Variants in MICU3 observed in about 807,000 individuals in gnomAD.
MICU3 encodes calcium uptake protein 3, mitochondrial.
In MICU3, 62 loss-of-function variants were observed where a neutral mutation model predicts 66.5. That is an observed-to-expected ratio of 0.93 (90% CI 0.76 to 1.15). MICU3 has a LOEUF of 1.15. Ranked by LOEUF, MICU3 falls within the 50% of genes most tolerant of loss-of-function variation. The probability of loss-of-function intolerance (pLI) is 0.00; values close to 1 mark genes in which losing one functional copy is unlikely to be tolerated. For synonymous variants in MICU3, 308 were observed against 240.7 expected, an observed-to-expected ratio of 1.28 and a Z score of -2.59; for missense variants, 779 against 664.4, an observed-to-expected ratio of 1.17 and a Z score of -1.90.
chr8:17,102,352 CAA>C (rs947474070), intron 9 of MICU3: 8 of 151,934 alleles, frequency 5.3e-5, no homozygotes, highest in Non-Finnish European at 8.8e-5. Context: ...TTAAATCACA[CAA>C]AGAGTGCCTA....
intron 11 of MICU3, among the ~76,000 whole-genome samples, chr8:17,113,842 T>A (rs937086707): frequency 6.6e-6 from 1 of 152,176 alleles, no homozygotes. Context: ...TTTTGGAATT[T>A]AGTGCTGACA....
intron 12 of MICU3, among the ~76,000 whole-genome samples, chr8:17,114,730 A>T (rs1017705882): frequency 1.3e-5 from 2 of 152,126 alleles, no homozygotes; most frequent in African/African-American, 4.8e-5. Flanking sequence ...CCTCATGGCC[A>T]TGTCCTTTTT....
At chr8:17,060,294 T>C (rs1817621913) in intron 1 of MICU3, among the ~76,000 whole-genome samples, 1 of 132,838 alleles carries the variant, frequency 7.5e-6, no homozygotes, top group South Asian at 2.4e-4. Context: ...GGAAACTGTT[T>C]ACTTTTTTTT....
intron 8 of MICU3, 79 bp downstream of exon 8, chr8:17,090,663 A>C: frequency 9.0e-7 from 1 of 1,109,258 alleles, no homozygotes; most frequent in South Asian, 1.7e-5. Flanking sequence ...CTTTATATAA[A>C]GCTATATCTG....
intron 11 of MICU3, 103 bp from the exon 12 acceptor site, chr8:17,113,990 A>G (rs1802449229): frequency 1.5e-6 from 1 of 651,914 alleles, no homozygotes; most frequent in East Asian, 2.8e-5. Context: ...TACTTACAAG[A>G]TACATTGCAA....
In MICU3 at chr8:17,121,708, T is replaced by A. The variant is rs916465056; in HGVS notation, c.*1421T>A. 1 of 152,316 alleles carries A rather than the reference T, an allele frequency of 6.6e-6. No homozygotes were observed. The highest frequency in any genetic ancestry group is 1.5e-5 in the Non-Finnish European group (1 of 67,742). 9.4% of individuals were successfully genotyped at this position (152,316 alleles called of 1,614,324 possible). A position where few individuals can be genotyped will look rare whatever the true frequency, so the allele number is the denominator to read the frequency against. Reference sequence around the variant, plus strand: ...CAGCTTATTTATAAAAGTAATGTTATTTCCAAGAAAATGTTACTCTTAGCA... The same window carrying A: ...CAGCTTATTTATAAAAGTAATGTTAATTCCAAGAAAATGTTACTCTTAGCA... On this transcript the variant is annotated 3_prime_UTR_variant, in exon 15 of 15. Transcript: ENST00000318063.
At chr8:17,035,510 T>A (rs1467831812) in intron 1 of MICU3, among the ~76,000 whole-genome samples, 1 of 152,116 alleles carries the variant, frequency 6.6e-6, no homozygotes, top group Non-Finnish European at 1.5e-5. Flanking sequence ...GAGGAACTTG[T>A]TGGGAACTGG....
intron 1 of MICU3, among the ~76,000 whole-genome samples, chr8:17,038,723 G>A (rs1035751523): frequency 1.3e-5 from 2 of 152,114 alleles, no homozygotes; most frequent in African/African-American, 4.8e-5. Context: ...GGAGGCCAAG[G>A]CAGGCAGATC....
rs146288932 is a variant in MICU3 at position 17,039,927 on chromosome 8, G to A, written c.381+12267G>A. ...TTTTTTTTTTTTTTTTTTTTTTTGA[G>A]ATGGAGTTTCGCTCTTGTTGCCCAG... On this transcript the variant is annotated intron_variant, in intron 1 of 14. Transcript: ENST00000318063. 1.7e-4 allele frequency among the ~76,000 whole-genome samples: 4 copies of A among 23,398 alleles called. No homozygotes were observed. The South Asian group carries it at 6.9e-3, about 40-fold the overall frequency. The allele number at this position is 23,398 out of a possible 152,430, so 15.3% of individuals were successfully genotyped here.
At chr8:17,096,697 C>A (rs990031197) in intron 8 of MICU3, among the ~76,000 whole-genome samples, 1 of 151,784 alleles carries the variant, frequency 6.6e-6, no homozygotes, top group Admixed American at 6.6e-5. Flanking sequence ...AATGATGAAC[C>A]AGAAAGCTTT....
downstream of MICU3, among the ~76,000 whole-genome samples, chr8:17,124,599 A>G (rs998292342): frequency 4.6e-5 from 7 of 151,360 alleles, no homozygotes; most frequent in African/African-American, 1.5e-4. Context: ...AACCCTCTCT[A>G]TCTCCCAGGT....
At chr8:17,072,754 G>T (rs1443393666) in intron 3 of MICU3, among the ~76,000 whole-genome samples, 1 of 152,022 alleles carries the variant, frequency 6.6e-6, no homozygotes, top group African/African-American at 2.4e-5. Context: ...TAGTAACTTA[G>T]GGTGTGCAAA....
chr8:17,119,637 A>G (rs992864240), intron 14 of MICU3, among the ~76,000 whole-genome samples: 2 of 152,180 alleles, frequency 1.3e-5, no homozygotes, highest in African/African-American at 2.4e-5. Context: ...AAAGTTGCTT[A>G]GTCAAGTTTA....
chr8:17,137,927 G>C, the MICU3 span, among the ~76,000 whole-genome samples: 1 of 151,686 alleles, frequency 6.6e-6, no homozygotes, highest in Non-Finnish European at 1.5e-5. Flanking sequence ...ATATTGGCCG[G>C]GATGGTCTTG....
chr8:17,039,895 CTTTT>C (rs35133600), intron 1 of MICU3, among the ~76,000 whole-genome samples: 1 of 62,492 alleles, frequency 1.6e-5, no homozygotes, highest in Non-Finnish European at 2.7e-5. Flanking sequence ...ATCTTGCATT[CTTTT>C]TTTTTTTTTT....
At chr8:17,123,046 C>G (rs1215047036), downstream of MICU3, among the ~76,000 whole-genome samples, 1 of 151,934 alleles carries the variant, frequency 6.6e-6, no homozygotes, top group Non-Finnish European at 1.5e-5. Context: ...AAATATAATG[C>G]TTTTACTTCC....
chr8:17,102,042 G>A (rs1801303943), intron 9 of MICU3, among the ~76,000 whole-genome samples: 1 of 151,800 alleles, frequency 6.6e-6, no homozygotes, highest in Middle Eastern at 3.2e-3. Context: ...CTTCTCTAAG[G>A]TCACTTAAAT....
intron 2 of MICU3, 151 bp downstream of exon 2, chr8:17,064,388 C>A: frequency 1.9e-6 from 1 of 523,892 alleles, no homozygotes; most frequent in Non-Finnish European, 3.2e-6. Flanking sequence ...ACTGATATTT[C>A]TTACAAACTC....
chr8:17,117,188 G>A (rs1232583183), intron 13 of MICU3, among the ~76,000 whole-genome samples: 1 of 151,828 alleles, frequency 6.6e-6, no homozygotes, highest in Non-Finnish European at 1.5e-5. Flanking sequence ...CTGTTGCCCA[G>A]GCTGACGTTG....
Sources: gnomAD v4.1 joint callset for allele counts (sites outside exome capture counted in the v4.1 genomes callset) on GRCh38, gnomAD v4.1.1 for gene constraint, MANE v1.5 for transcripts, NCBI Gene and HGNC (gene_info 2026-07-23, HGNC 2026-07-21) for gene names.